The following VPS13B variants were observed in gnomAD, a reference collection of about 807,000 sequenced individuals.
VPS13B encodes vacuolar protein sorting 13 homolog B, also known as intermembrane lipid transfer protein VPS13B.
Under a neutral mutation model 426.4 loss-of-function variants are expected in VPS13B, and 285 were observed. That is an observed-to-expected ratio of 0.67 (90% CI 0.61 to 0.74). The LOEUF (loss-of-function observed/expected upper bound fraction) is 0.74, where lower values mean the gene tolerates loss of function less well. VPS13B is among the 30% of genes least tolerant of loss of function. The pLI, the probability that VPS13B is intolerant of heterozygous loss-of-function variation, is 0.00. For missense variants in VPS13B, 4,537 were observed against 4,782.6 expected, an observed-to-expected ratio of 0.95 and a Z score of 1.51; for synonymous variants, 1,676 against 1,676.4, an observed-to-expected ratio of 1.00 and a Z score of 0.01.
chr8:99,306,674 G>A (rs1309874248), intron 19 of VPS13B, among the ~76,000 whole-genome samples: 4 of 152,042 alleles, frequency 2.6e-5, no homozygotes, highest in Non-Finnish European at 4.4e-5. Flanking sequence ...CACTGGTTGA[G>A]GGCTTACACC....
chr8:99,700,026 G>C, intron 36 of VPS13B, 94 bp downstream of exon 36: 1 of 1,466,774 alleles, frequency 6.8e-7, no homozygotes, highest in Middle Eastern at 1.7e-4. Context: ...ATATTATGTA[G>C]AAGTTAAAAG....
intron 17 of VPS13B, among the ~76,000 whole-genome samples, chr8:99,273,252 G>A (rs1038578832): frequency 5.4e-5 from 8 of 148,098 alleles, no homozygotes; most frequent in African/African-American, 7.5e-5. Flanking sequence ...TCTGCCTCCC[G>A]GGTTCAGGTG....
At chr8:99,296,709 C>G (rs1286657925) in intron 19 of VPS13B, among the ~76,000 whole-genome samples, 2 of 151,924 alleles carry the variant, frequency 1.3e-5, no homozygotes, top group African/African-American at 4.8e-5. Flanking sequence ...AAGGGTTGGC[C>G]CTTGTGAATG....
intron 4 of VPS13B, among the ~76,000 whole-genome samples, chr8:99,096,690 G>A (rs376816903): frequency 1.5e-4 from 23 of 151,506 alleles, no homozygotes; most frequent in African/African-American, 5.1e-4. Flanking sequence ...TGGGAGGTGG[G>A]GGTTACAGTG....
At chr8:99,601,304 T>A (rs753398033) in intron 33 of VPS13B, among the ~76,000 whole-genome samples, 28 of 152,186 alleles carry the variant, frequency 1.8e-4, no homozygotes, top group Middle Eastern at 6.8e-3. Context: ...CCACCTTCGT[T>A]CATGTCCCTG....
intron 2 of VPS13B, among the ~76,000 whole-genome samples, chr8:99,019,205 T>G (rs1841765870): frequency 1.1e-5 from 1 of 90,258 alleles, no homozygotes; most frequent in Non-Finnish European, 2.4e-5. Flanking sequence ...ATCTTAAACA[T>G]TTTTTTTTTT....
chr8:99,223,071 G>A (rs1223870937), intron 17 of VPS13B, among the ~76,000 whole-genome samples: 2 of 152,166 alleles, frequency 1.3e-5, no homozygotes, highest in Admixed American at 6.5e-5. Flanking sequence ...CAAGTGATCC[G>A]CCTGTCTTGG....
At chr8:99,043,441 T>C (rs1843063863) in intron 3 of VPS13B, among the ~76,000 whole-genome samples, 1 of 152,308 alleles carries the variant, frequency 6.6e-6, no homozygotes, top group South Asian at 2.1e-4. Context: ...TTAGCTTGGC[T>C]GAAGTCTGTG....
intron 43 of VPS13B, among the ~76,000 whole-genome samples, chr8:99,805,986 G>C (rs1813376777): frequency 6.6e-6 from 1 of 152,188 alleles, no homozygotes; most frequent in African/African-American, 2.4e-5. Flanking sequence ...CTGGGCTTCA[G>C]GCAGAAGGGA....
chr8:99,690,065 G>A (rs1303870835), intron 35 of VPS13B, among the ~76,000 whole-genome samples: 2 of 151,892 alleles, frequency 1.3e-5, no homozygotes, highest in Non-Finnish European at 2.9e-5. Context: ...ATTATTTTCT[G>A]TGAGGTCATA....
At chr8:99,263,538 T>A (rs115673303) in intron 17 of VPS13B, among the ~76,000 whole-genome samples, 1 of 152,192 alleles carries the variant, frequency 6.6e-6, no homozygotes, top group African/African-American at 2.4e-5. Context: ...CCCTGCTTTT[T>A]CTAGCTTTTA....
At chr8:99,726,974 T>A (rs1292754534) in intron 39 of VPS13B, among the ~76,000 whole-genome samples, 1 of 152,258 alleles carries the variant, frequency 6.6e-6, no homozygotes, top group Admixed American at 6.5e-5. Flanking sequence ...GCATTTCTGA[T>A]CACTTGTGTG....
chr8:99,662,339 T>G (rs762274310), intron 35 of VPS13B, among the ~76,000 whole-genome samples: 9 of 152,210 alleles, frequency 5.9e-5, no homozygotes, highest in Non-Finnish European at 1.3e-4. Flanking sequence ...TTAACAAAAA[T>G]TATTACATTT....
At chr8:99,246,055 G>A (rs1312005985) in intron 17 of VPS13B, among the ~76,000 whole-genome samples, 1 of 152,070 alleles carries the variant, frequency 6.6e-6, no homozygotes, top group South Asian at 2.1e-4. Flanking sequence ...ACTGTGTCTC[G>A]CTTTCTCAAC....
chr8:99,792,322 A>G (rs1182258996), intron 43 of VPS13B, among the ~76,000 whole-genome samples: 1 of 152,220 alleles, frequency 6.6e-6, no homozygotes, highest in Non-Finnish European at 1.5e-5. Context: ...CAATTAATAG[A>G]TGCTAATCCA....
At chr8:99,719,763 A>G (rs945321855) in intron 37 of VPS13B, among the ~76,000 whole-genome samples, 88 of 152,156 alleles carry the variant, frequency 5.8e-4, no homozygotes, top group African/African-American at 2.0e-3. Flanking sequence ...TTGTTCTGAA[A>G]CTCTACTGTA....
chr8:99,702,972 A>G (rs909366291), intron 36 of VPS13B, among the ~76,000 whole-genome samples: 2 of 152,126 alleles, frequency 1.3e-5, no homozygotes, highest in Non-Finnish European at 2.9e-5. Context: ...GTACAAAAAT[A>G]TTTGATTTCA....
intron 22 of VPS13B, among the ~76,000 whole-genome samples, chr8:99,436,839 T>C (rs986584201): frequency 3.1e-4 from 47 of 151,912 alleles, no homozygotes; most frequent in Non-Finnish European, 5.6e-4. Flanking sequence ...CCCAGGTTTA[T>C]GCCATTCTCC....
intron 23 of VPS13B, among the ~76,000 whole-genome samples, chr8:99,460,148 G>A (rs1207113762): frequency 6.6e-6 from 1 of 151,956 alleles, no homozygotes; most frequent in African/African-American, 2.4e-5. Context: ...TTTGTTGTCT[G>A]TTGTTCCTGT....
Sources: gnomAD v4.1 joint callset for allele counts (sites outside exome capture counted in the v4.1 genomes callset) on GRCh38, gnomAD v4.1.1 for gene constraint, MANE v1.5 for transcripts, NCBI Gene and HGNC (gene_info 2026-07-23, HGNC 2026-07-21) for gene names.